The following UBA6 variants were observed in gnomAD, a reference collection of about 807,000 sequenced individuals.
UBA6 encodes the protein ubiquitin-like modifier-activating enzyme 6.
A neutral mutation model predicts 148.3 loss-of-function variants in UBA6; 87 were observed. That is an observed-to-expected ratio of 0.59 (90% confidence interval 0.49 to 0.70). The LOEUF (loss-of-function observed/expected upper bound fraction) is 0.70, where lower values mean the gene tolerates loss of function less well. Ranked by LOEUF, UBA6 falls within the 30% of genes least tolerant of loss-of-function variation. The pLI, the probability that UBA6 is intolerant of heterozygous loss-of-function variation, is 0.00. For synonymous variants in UBA6, 376 were observed against 401.0 expected (o/e 0.94, Z 0.75); for missense variants, 1,186 against 1,241.2 (o/e 0.96, Z 0.67).
At chr4:67,701,011 C>T (rs1730968653) in intron 1 of UBA6, 38 bp downstream of exon 1, 7 of 1,606,312 alleles carry the variant, frequency 4.4e-6, no homozygotes, top group South Asian at 1.1e-5. Context: ...CTGGGTCCCA[C>T]CCGCGACCCC....
intron 5 of UBA6, 84 bp from the exon 6 acceptor site, chr4:67,677,806 G>T: frequency 1.6e-6 from 1 of 635,662 alleles, no homozygotes; most frequent in South Asian, 2.5e-5. Flanking sequence ...TGACATCAGA[G>T]GAACCTGACA....
intron 8 of UBA6, among the ~76,000 whole-genome samples, chr4:67,669,395 T>TG (rs1203289381): frequency 3.9e-5 from 6 of 152,164 alleles, no homozygotes; most frequent in African/African-American, 1.4e-4. Flanking sequence ...GAGACAGTAC[T>TG]GGGTCTCCAT....
At chr4:67,682,909 A>G (rs975767774) in intron 2 of UBA6, among the ~76,000 whole-genome samples, 7 of 152,206 alleles carry the variant, frequency 4.6e-5, no homozygotes, top group African/African-American at 7.2e-5. Context: ...CCCTTGGGTT[A>G]TAAGTATTTA....
At chr4:67,635,432 T>G (rs773523751) in intron 20 of UBA6, 21 bp downstream of exon 20, 1 of 1,395,182 alleles carries the variant, frequency 7.2e-7, no homozygotes, top group Non-Finnish European at 1.0e-6. Context: ...GACATCTATT[T>G]CAAAATATTG....
At position 67,618,052 on chromosome 4, in the gene UBA6, A is replaced by AC. The variant is rs1047355793; in HGVS notation, c.*944_*945insG. On this transcript the variant is annotated 3_prime_UTR_variant, in exon 33 of 33. Transcript: ENST00000322244. ...CTGTTTAAAAAAAAAAAACAAAAAAAACACAAAATTTAATACCCTAATTAG... is the reference window on the plus strand; with the variant it reads ...CTGTTTAAAAAAAAAAAACAAAAAAACACACAAAATTTAATACCCTAATTAG... The AC allele has an allele frequency of 6.7e-6, 1 of 149,688 alleles. No homozygotes were observed. The highest frequency in any genetic ancestry group is 1.5e-5 in the Non-Finnish European group (1 of 66,984). 9.3% of individuals were successfully genotyped at this position (149,688 alleles called of 1,614,324 possible).
At position 67,626,248 on chromosome 4, in the gene UBA6, ATT is replaced by A; in HGVS notation, c.2518+110_2518+111del. 1.0e-5 allele frequency: 7 copies of A among 689,298 alleles called. No individual in the cohort carries two copies. In the South Asian group the frequency reaches 1.1e-4, roughly 11 times the overall value. The allele number at this position is 689,298 out of a possible 1,614,324, so 42.7% of individuals were successfully genotyped here. On this transcript the variant is annotated intron_variant, in intron 28 of 32. Transcript: ENST00000322244. Reference sequence around the variant, plus strand: ...TAATATGATCATGAAATCAATCAATATTGTCATCATTATTATTGTTGTGATTA... The same window carrying A: ...TAATATGATCATGAAATCAATCAATAGTCATCATTATTATTGTTGTGATTA...
chr4:67,624,047 G>C (rs1728810204), intron 30 of UBA6, 79 bp downstream of exon 30: 3 of 1,236,344 alleles, frequency 2.4e-6, no homozygotes, highest in Admixed American at 5.3e-5. Context: ...AAGAGGTGAA[G>C]CTAGTATTTT....
chr4:67,659,650 G>GGAATATATAAAATATATGTATTTTA (rs368730151), intron 13 of UBA6, among the ~76,000 whole-genome samples: 21 of 151,454 alleles, frequency 1.4e-4, no homozygotes, highest in South Asian at 2.1e-4. Flanking sequence ...ATTTTATATA[G>GGAATATATAAAATATATGTATTTTA]CATATGCAGT....
At chr4:67,676,473 G>A (rs970053079) in intron 6 of UBA6, among the ~76,000 whole-genome samples, 4 of 152,184 alleles carry the variant, frequency 2.6e-5, no homozygotes, top group African/African-American at 9.6e-5. Context: ...GAGCTTAAGA[G>A]AAAACAAAAC....
intron 30 of UBA6, 65 bp from the exon 31 acceptor site, chr4:67,623,287 C>CA (rs1728793820): frequency 3.2e-6 from 4 of 1,260,344 alleles, no homozygotes; most frequent in South Asian, 1.3e-5. Flanking sequence ...ATGACACACA[C>CA]ACAAAAAAAA....
rs144289915 is a variant in UBA6 at position 67,632,136 on chromosome 4, T to C, written c.2143-228A>G. 2.6e-5 allele frequency among the ~76,000 whole-genome samples: 4 copies of C among 152,308 alleles called. No homozygotes were observed. In the East Asian group the frequency reaches 5.8e-4, roughly 22 times the overall value. ...AAATTCAAATATCATTTTCTATCAC[T>C]ATTTGTAGGTTTATTGGGAGGTGGT... On this transcript the variant is annotated intron_variant, in intron 23 of 32. Coordinates refer to ENST00000322244, the MANE Select transcript of UBA6 (RefSeq NM_018227.6).
intron 2 of UBA6, among the ~76,000 whole-genome samples, chr4:67,687,114 C>A (rs916637218): frequency 1.1e-4 from 16 of 144,492 alleles, no homozygotes; most frequent in African/African-American, 3.6e-4. Context: ...TGGCTCCCTG[C>A]AACCTCTGCC....
Position 67,687,864 on chromosome 4 carries a change from T to G in UBA6, c.135-5651A>C, listed in dbSNP as rs540788536. Among the ~76,000 whole-genome samples the G allele has an allele frequency of 2.0e-5, 3 of 152,262 alleles. No homozygotes were observed. In the South Asian group the frequency reaches 6.2e-4, roughly 32 times the overall value. On this transcript the variant is annotated intron_variant, in intron 2 of 32. Transcript: ENST00000322244. ...AACCCACATGACGCAAGTTTACATA[T>G]GTAGCAACCCTGCATTTGTACCCCT...
In UBA6 at chr4:67,696,653, T is replaced by C; in HGVS notation, c.126A>G (p.Ala42=). 4 of 1,607,492 alleles carry C rather than the reference T, an allele frequency of 2.5e-6. No homozygotes were observed. The highest frequency in any genetic ancestry group is 3.4e-6 in the Non-Finnish European group (4 of 1,176,682). Residue 42 remains alanine (A), a synonymous_variant, in exon 2 of 33, where the codon GCA becomes GCG. Transcript: ENST00000322244. ...TTCTATGAGATTCTTACCTATACAA[T>C]GCATCATCGATTTCCACAGATGCTG... is the stretch of plus-strand genomic sequence containing the variant. ...MSTASVEIDD[A]LYSRQRYVLG... is the part of the protein sequence containing the mutation.
rs562241853 is a variant in UBA6, at chr4:67,684,261, A to G, written c.135-2048T>C. 2.6e-5 allele frequency among the ~76,000 whole-genome samples: 4 copies of G among 152,280 alleles called. No homozygotes were observed. The South Asian group carries it at 8.3e-4, about 32-fold the overall frequency. On this transcript the variant is annotated intron_variant, in intron 2 of 32. Coordinates refer to ENST00000322244, the MANE Select transcript of UBA6 (RefSeq NM_018227.6). ...GGCACTTGTAAACTTGGCTCTTGAA[A>G]TATTTCCTACACTAATAAATCTAAT...
intron 13 of UBA6, chr4:67,661,855 T>C: frequency 3.1e-6 from 1 of 320,836 alleles, no homozygotes; most frequent in East Asian, 4.6e-5. Context: ...AGCTAACATA[T>C]ATAAGTTTAA....
intron 6 of UBA6, among the ~76,000 whole-genome samples, chr4:67,675,832 A>C (rs184606956): frequency 1.4e-4 from 21 of 152,210 alleles, no homozygotes; most frequent in Admixed American, 1.4e-3. Context: ...GAGGTTTAAT[A>C]GTTTGTTGAC....
chr4:67,686,650 TAAATA>T (rs1226772529), intron 2 of UBA6, among the ~76,000 whole-genome samples: 1 of 151,962 alleles, frequency 6.6e-6, no homozygotes, highest in African/African-American at 2.4e-5. Flanking sequence ...TAAACGGGCA[TAAATA>T]AAATGTTTGG....
At chr4:67,640,715 C>T (rs564965301) in intron 18 of UBA6, among the ~76,000 whole-genome samples, 2 of 152,206 alleles carry the variant, frequency 1.3e-5, no homozygotes, top group South Asian at 4.1e-4. Context: ...TGAGAACAAG[C>T]ATTATTTTAC....
Sources: gnomAD v4.1 joint callset for allele counts (sites outside exome capture counted in the v4.1 genomes callset) on GRCh38, gnomAD v4.1.1 for gene constraint, MANE v1.5 for transcripts, NCBI Gene and HGNC (gene_info 2026-07-23, HGNC 2026-07-21) for gene names.